Variants in WDR75 observed in about 807,000 individuals in gnomAD.
The protein encoded by WDR75 is WD repeat domain 75.
WDR75 carries 52 observed loss-of-function variants against 106.1 expected under a neutral mutation model. That is an observed-to-expected ratio of 0.49 (90% CI 0.39 to 0.62). The LOEUF (loss-of-function observed/expected upper bound fraction) is 0.62, where lower values mean the gene tolerates loss of function less well. Ranked by LOEUF, WDR75 falls within the 20% of genes least tolerant of loss-of-function variation. The pLI is 0.00. For missense variants in WDR75, 905 were observed against 970.3 expected (o/e 0.93, Z 0.89); for synonymous variants, 333 against 335.5 (o/e 0.99, Z 0.08).
At chr2:189,465,486 T>TC (rs1287833838) in intron 12 of WDR75, among the ~76,000 whole-genome samples, 1 of 152,116 alleles carries the variant, frequency 6.6e-6, no homozygotes, top group Non-Finnish European at 1.5e-5. Context: ...AAGTGACACC[T>TC]CCTCAAGGGC....
At position 189,457,307 on chromosome 2, in the gene WDR75, C is replaced by T. The variant is rs201479871; in HGVS notation, c.499-4C>T. On this transcript the variant is annotated splice_region_variant and splice_polypyrimidine_tract_variant and intron_variant, in intron 5 of 20. Transcript: ENST00000314761. The stretch of plus-strand genomic sequence containing the variant: ...GAATGTTTATCTTCTTTTTGAAATA[C>T]TAGGGAGTATATGTTGCTGCAGTAC... 19 of 1,579,664 alleles carry T rather than the reference C, an allele frequency of 1.2e-5. No homozygotes were observed. The highest frequency in any genetic ancestry group is 5.3e-5 in the Admixed American group (3 of 56,872).
intron 1 of WDR75, 98 bp downstream of exon 1, chr2:189,441,676 C>G: frequency 7.2e-7 from 1 of 1,384,378 alleles, no homozygotes; most frequent in Non-Finnish European, 1.0e-6. Context: ...ACTCGCCCGC[C>G]TGGCGGATAT....
chr2:189,442,630 A>G (rs552070037), intron 1 of WDR75, among the ~76,000 whole-genome samples: 10 of 151,702 alleles, frequency 6.6e-5, no homozygotes, highest in Non-Finnish European at 1.3e-4. Flanking sequence ...TTGTATTTTT[A>G]GTAGAGAGAG....
At position 189,454,745 on chromosome 2, in the gene WDR75, G is replaced by A. The variant is rs576878359; in HGVS notation, c.374-575G>A. ...TCACCGTGTTAGCCAGGATGGTCTC[G>A]ATCTCCTGACCTTGTGATCCACCCG... On this transcript the variant is annotated intron_variant, in intron 4 of 20. Coordinates refer to ENST00000314761, the MANE Select transcript of WDR75 (RefSeq NM_032168.3). 3.8e-4 allele frequency among the ~76,000 whole-genome samples: 58 copies of A among 151,910 alleles called. 1 individual carries two copies. The highest frequency in any genetic ancestry group is 1.3e-3 in the African/African-American group (55 of 41,444).
rs758365244 is a variant in WDR75 at position 189,458,734 on chromosome 2, TG to T, written c.570-18del. On this transcript the variant is annotated intron_variant, in intron 6 of 20. Coordinates refer to ENST00000314761, the MANE Select transcript of WDR75 (RefSeq NM_032168.3). The stretch of plus-strand genomic sequence containing the variant: ...AGAGACTTTAATAATTAAGGGAATT[TG>T]TTTTTTTTTTCTCCTAGGTTTACTT... 1.1e-5 allele frequency: 17 copies of T among 1,522,622 alleles called. No individual in the cohort carries two copies. Among genetic ancestry groups the T allele is most frequent in the Admixed American group, 8.4e-5 (4 of 47,364 alleles). The allele number at this position is 1,522,622 out of a possible 1,614,324, so 94.3% of individuals were successfully genotyped here.
chr2:189,466,807 T>G (rs376280235), intron 13 of WDR75, among the ~76,000 whole-genome samples: 26 of 152,072 alleles, frequency 1.7e-4, no homozygotes, highest in African/African-American at 9.7e-5. Flanking sequence ...GATTATTCTG[T>G]TTTTTTAGGG....
At chr2:189,452,325 C>G (rs146118251) in intron 4 of WDR75, among the ~76,000 whole-genome samples, 191 of 152,172 alleles carry the variant, frequency 1.3e-3, no homozygotes, top group African/African-American at 4.2e-3. Context: ...TATGGGAGGC[C>G]GAGGTGGGCA....
intron 19 of WDR75, 129 bp from the exon 20 acceptor site, chr2:189,474,588 T>C (rs1687175815): frequency 1.1e-6 from 1 of 916,660 alleles, no homozygotes; most frequent in South Asian, 1.7e-5. Context: ...GGCTTTTGTA[T>C]AGGGAAAGCC....
intron 4 of WDR75, among the ~76,000 whole-genome samples, chr2:189,453,856 G>A (rs977880504): frequency 6.6e-6 from 1 of 152,148 alleles, no homozygotes; most frequent in Non-Finnish European, 1.5e-5. Flanking sequence ...CTCTCTGATA[G>A]AAAATTGAAT....
intron 11 of WDR75, 65 bp downstream of exon 11, chr2:189,464,026 A>C: frequency 7.4e-7 from 1 of 1,345,292 alleles, no homozygotes; most frequent in East Asian, 2.3e-5. Flanking sequence ...GGAGTCAAGC[A>C]ATTTGTTTAG....
intron 5 of WDR75, 143 bp downstream of exon 5, chr2:189,455,587 C>T: frequency 9.4e-7 from 1 of 1,069,188 alleles, no homozygotes; most frequent in Non-Finnish European, 1.3e-6. Flanking sequence ...CTCTTCATTG[C>T]TTTAGCATGT....
chr2:189,468,475 G>C lies in WDR75; in HGVS notation c.1629G>C (p.Arg543Ser). Residue 543 changes from arginine (R) to serine (S), a missense_variant and splice_region_variant, in exon 15 of 21, where the codon AGG becomes AGC. Physicochemically the swap from Arg to Ser is moderately radical, Grantham distance 110. Coordinates refer to ENST00000314761, the MANE Select transcript of WDR75 (RefSeq NM_032168.3). ...CTFCQRAGKI[R>S]HLCFGRLTCS... ...TAACTTCCTTGTGGTTTTAATCTAG[G>C]CACCTTTGCTTTGGGAGATTGACGT... 2 of 1,613,056 alleles carry C rather than the reference G, an allele frequency of 1.2e-6. No homozygotes were observed. Among genetic ancestry groups the C allele is most frequent in the Non-Finnish European group, 1.7e-6 (2 of 1,179,290 alleles).
At chr2:189,442,582 C>A (rs906898081) in intron 1 of WDR75, among the ~76,000 whole-genome samples, 3 of 150,270 alleles carry the variant, frequency 2.0e-5, no homozygotes, top group African/African-American at 7.3e-5. Context: ...TCCTGAGTAG[C>A]AAGTATTATA....
chr2:189,461,153 C>A (rs954955062), intron 8 of WDR75, among the ~76,000 whole-genome samples: 3 of 152,302 alleles, frequency 2.0e-5, no homozygotes, highest in Admixed American at 6.5e-5. Context: ...TTGATAAAAA[C>A]CCCATTATAA....
chr2:189,442,655 G>A (rs1220643667), intron 1 of WDR75, among the ~76,000 whole-genome samples: 1 of 151,878 alleles, frequency 6.6e-6, no homozygotes, highest in African/African-American at 2.4e-5. Flanking sequence ...TCGCCATGTT[G>A]GCCAGGCTGC....
chr2:189,455,039 G>A (rs577333195), intron 4 of WDR75, among the ~76,000 whole-genome samples: 8 of 152,064 alleles, frequency 5.3e-5, no homozygotes, highest in South Asian at 4.1e-4. Context: ...TCAGGAGTTC[G>A]AGACCAGCCT....
Position 189,463,908 on chromosome 2 carries a change from A to T in WDR75, c.1060A>T (p.Lys354Ter). 2 of 1,613,962 alleles carry T rather than the reference A, an allele frequency of 1.2e-6. No homozygotes were observed. The highest frequency in any genetic ancestry group is 1.7e-6 in the Non-Finnish European group (2 of 1,179,862). ...AACTAAAGCTTTGGTTTTGAATGGA[A>T]AACCTGGCCACCTGCAGTTTTATTC... is the stretch of plus-strand genomic sequence containing the variant. The part of the protein sequence containing the change: ...PRTKALVLNG[K>*]PGHLQFYSLQ... The change falls in exon 11 of 21, where the codon AAA becomes TAA. Residue 354 changes from lysine to a stop codon, truncating the protein, a stop_gained. Coordinates refer to ENST00000314761, the MANE Select transcript of WDR75 (RefSeq NM_032168.3). LOFTEE classifies it high-confidence loss of function.
chr2:189,443,359 G>T (rs1041245268), intron 1 of WDR75, among the ~76,000 whole-genome samples: 1 of 152,222 alleles, frequency 6.6e-6, no homozygotes, highest in African/African-American at 2.4e-5. Context: ...TGTTGAACAG[G>T]CTGGTACAGT....
chr2:189,470,306 A>T, intron 17 of WDR75, 61 bp downstream of exon 17: 1 of 1,522,972 alleles, frequency 6.6e-7, no homozygotes, highest in Non-Finnish European at 8.9e-7. Flanking sequence ...CTAATAGCCC[A>T]TGACTATTGG....
Sources: gnomAD v4.1 joint callset for allele counts (sites outside exome capture counted in the v4.1 genomes callset) on GRCh38, gnomAD v4.1.1 for gene constraint, MANE v1.5 for transcripts, NCBI Gene and HGNC (gene_info 2026-07-23, HGNC 2026-07-21) for gene names.